HLA-DQA2: variants seen among roughly 807,000 people sequenced by gnomAD.
HLA-DQA2 encodes HLA class II histocompatibility antigen, DQ alpha 2 chain.
HLA-DQA2 carries 17 observed loss-of-function variants against 21.0 expected under a neutral mutation model. The observed-to-expected ratio is 0.81, with a 90% confidence interval of 0.56 to 1.22. The LOEUF is 1.22. HLA-DQA2 is among the 50% of genes most tolerant of loss of function. The pLI, the probability that HLA-DQA2 is intolerant of heterozygous loss-of-function variation, is 0.00. For synonymous variants in HLA-DQA2, 81 were observed against 116.5 expected (o/e 0.70, Z 1.96); for missense variants, 239 against 308.8 (o/e 0.77, Z 1.69).
intron 1 of HLA-DQA2, among the ~76,000 whole-genome samples, chr6:32,743,791 A>G (rs932488253): frequency 6.6e-6 from 1 of 152,204 alleles, no homozygotes; most frequent in African/African-American, 2.4e-5. Flanking sequence ...GGTGAGCTGG[A>G]GGAGGAAAAG....
chr6:32,746,678 G>A lies in HLA-DQA2; in HGVS notation c.*117G>A, dbSNP rs1469115909. 7.5e-6 allele frequency: 5 copies of A among 665,456 alleles called. No individual in the cohort carries two copies. The highest frequency in any genetic ancestry group is 1.4e-5 in the Non-Finnish European group (5 of 362,700). 41.2% of individuals were successfully genotyped at this position (665,456 alleles called of 1,614,324 possible). A position where few individuals can be genotyped will look rare whatever the true frequency, so the allele number is the denominator to read the frequency against. Reference sequence around the variant, plus strand: ...ATCATATCCCTTTTCTCCTCCAAATGTTTCTTCTCTCACCTCTTCTCTGGG... The same window carrying A: ...ATCATATCCCTTTTCTCCTCCAAATATTTCTTCTCTCACCTCTTCTCTGGG... On this transcript the variant is annotated 3_prime_UTR_variant, in exon 5 of 5. Transcript: ENST00000374940.
intron 1 of HLA-DQA2, among the ~76,000 whole-genome samples, chr6:32,742,894 C>T (rs1763310956): frequency 1.4e-5 from 2 of 146,506 alleles, no homozygotes; most frequent in South Asian, 2.2e-4. Flanking sequence ...TTGACGGAGT[C>T]TCGCTCTGTC....
At position 32,741,519 on chromosome 6, in the gene HLA-DQA2, A is replaced by T. The variant is rs1562179902; in HGVS notation, c.76A>T (p.Ile26Phe). ...AVMSPCGGED[I>F]VADHVASYGV... ...GATGAGCCCCTGTGGAGGTGAAGACATTGTGGGTGAGTACATGAGTGAGGA... is the reference window on the plus strand; with the variant it reads ...GATGAGCCCCTGTGGAGGTGAAGACTTTGTGGGTGAGTACATGAGTGAGGA... Residue 26 changes from isoleucine to phenylalanine, a missense_variant, in exon 1 of 5, where the codon ATT becomes TTT. Physicochemically the swap from Ile to Phe is conservative, Grantham distance 21. Transcript: ENST00000374940. 1 of 1,613,958 alleles carries T rather than the reference A, an allele frequency of 6.2e-7. No individual in the cohort carries two copies. The highest frequency in any genetic ancestry group is 8.5e-7 in the Non-Finnish European group (1 of 1,179,866).
At chr6:32,745,739 G>C (rs35121587) in intron 2 of HLA-DQA2, 52 bp from the exon 3 acceptor site, 9 of 1,610,582 alleles carry the variant, frequency 5.6e-6, no homozygotes, top group East Asian at 2.2e-5. Flanking sequence ...TAATGCAGAA[G>C]CTCATGGCAG....
chr6:32,745,490 A>G (rs2239800), intron 2 of HLA-DQA2, 83 bp downstream of exon 2: 155,119 of 1,435,500 alleles, frequency 0.11, 11,845 homozygotes, highest in East Asian at 0.32. Context: ...AGAGATTTCC[A>G]GATCTTCTCA....
Position 32,745,324 on chromosome 6 carries a change from A to G in HLA-DQA2, c.248A>G (p.Gln83Arg). 1 of 1,585,546 alleles carries G rather than the reference A, an allele frequency of 6.3e-7. No homozygotes were observed. Among genetic ancestry groups the G allele is most frequent in the Non-Finnish European group, 8.6e-7 (1 of 1,165,058 alleles). ...MFSKFISFDP[Q>R]SALRNMAVGK... is the part of the protein sequence containing the mutation. ...AGCAAATTTATAAGTTTTGACCCGC[A>G]GAGTGCACTGAGAAATATGGCTGTG... The change falls in exon 2 of 5, where the codon CAG becomes CGG. Residue 83 changes from glutamine to arginine, a missense_variant. Coordinates refer to ENST00000374940, the MANE Select transcript of HLA-DQA2 (RefSeq NM_020056.5).
rs149033708 is a variant in HLA-DQA2, at chr6:32,746,314, A to T, written c.688A>T (p.Met230Leu). The T allele has an allele frequency of 6.4e-7, 1 of 1,571,596 alleles. No individual in the cohort carries two copies. Among genetic ancestry groups the T allele is most frequent in the Non-Finnish European group, 8.7e-7 (1 of 1,154,084 alleles). ...CGCCCTGGGGTTGTCTGTGGGCCTC[A>T]TGGGCATTGTGGTGGGCACTGTCTT... The part of the protein sequence containing the change: ...VCALGLSVGL[M>L]GIVVGTVFII... The change falls in exon 4 of 5, where the codon ATG becomes TTG. Residue 230 changes from methionine (M) to leucine (L), a missense_variant. Physicochemically the swap from Met to Leu is conservative, Grantham distance 15 (BLOSUM62 2). Coordinates refer to ENST00000374940, the MANE Select transcript of HLA-DQA2 (RefSeq NM_020056.5).
In HLA-DQA2 at chr6:32,741,502, C is replaced by T; in HGVS notation, c.59C>T (p.Pro20Leu). Residue 20 changes from proline (P) to leucine (L), a missense_variant, in exon 1 of 5, where the codon CCC becomes CTC. Coordinates refer to ENST00000374940, the MANE Select transcript of HLA-DQA2 (RefSeq NM_020056.5). ...CTCGCCCTGACTGCCGTGATGAGCCCCTGTGGAGGTGAAGACATTGTGGGT... is the reference window on the plus strand; with the variant it reads ...CTCGCCCTGACTGCCGTGATGAGCCTCTGTGGAGGTGAAGACATTGTGGGT... ...GALALTAVMSPCGGEDIVADH... is the reference protein window; with the variant it reads ...GALALTAVMSLCGGEDIVADH... 3 of 1,614,046 alleles carry T rather than the reference C, an allele frequency of 1.9e-6. No homozygotes were observed. The highest frequency in any genetic ancestry group is 1.1e-5 in the South Asian group (1 of 91,018).
chr6:32,745,851 T>C lies in HLA-DQA2; in HGVS notation c.392T>C (p.Leu131Pro). 3 of 1,613,134 alleles carry C rather than the reference T, an allele frequency of 1.9e-6. No homozygotes were observed. The highest frequency in any genetic ancestry group is 2.5e-6 in the Non-Finnish European group (3 of 1,180,044). The part of the protein sequence containing the change: ...FPVTLGQPNT[L>P]ICLVDNIFPP... ...GTGACGCTGGGTCAGCCCAACACCC[T>C]CATCTGTCTTGTGGACAACATCTTT... is the stretch of plus-strand genomic sequence containing the variant. Residue 131 changes from leucine (L) to proline (P), a missense_variant, in exon 3 of 5, where the codon CTC (leucine) becomes CCC (proline). By Grantham distance (98) the Leu-to-Pro change is moderately conservative. Coordinates refer to ENST00000374940, the MANE Select transcript of HLA-DQA2 (RefSeq NM_020056.5).
At chr6:32,742,697 T>C (rs1362799331) in intron 1 of HLA-DQA2, among the ~76,000 whole-genome samples, 1 of 151,956 alleles carries the variant, frequency 6.6e-6, no homozygotes. Flanking sequence ...TTGTTTCAAA[T>C]TTCCTTTCTT....
rs117358580 is a variant in HLA-DQA2, at chr6:32,744,010, G to A, written c.83-1149G>A. ...TTGCAAAGACATGAAAGGAAATGTA[G>A]TTTGGTTTGATTGGCAGATAGTTGT... On this transcript the variant is annotated intron_variant, in intron 1 of 4. Coordinates refer to ENST00000374940, the MANE Select transcript of HLA-DQA2 (RefSeq NM_020056.5). Among the ~76,000 whole-genome samples, 2,045 of 151,410 alleles carry A rather than the reference G, an allele frequency of 0.014. 103 individuals are homozygous for A. In the East Asian group the frequency reaches 0.14, roughly 10 times the overall value.
chr6:32,744,919 A>C (rs1763456316), intron 1 of HLA-DQA2, among the ~76,000 whole-genome samples: 1 of 152,246 alleles, frequency 6.6e-6, no homozygotes, highest in Non-Finnish European at 1.5e-5. Flanking sequence ...CTCAGGAAAT[A>C]ACAGACGTGT....
chr6:32,743,838 G>A (rs1389790095), intron 1 of HLA-DQA2, among the ~76,000 whole-genome samples: 2 of 152,140 alleles, frequency 1.3e-5, no homozygotes, highest in Non-Finnish European at 2.9e-5. Context: ...ATTCCATTGA[G>A]GCGTTGGAGG....
Position 32,744,508 on chromosome 6 carries a change from C to T in HLA-DQA2, c.83-651C>T, listed in dbSNP as rs185088560. ...TTCATTTCAGAAGAAATCAGGTGCT[C>T]TCCTCTAAGGACCACTACTATTAAC... On this transcript the variant is annotated intron_variant, in intron 1 of 4. Coordinates refer to ENST00000374940, the MANE Select transcript of HLA-DQA2 (RefSeq NM_020056.5). Among the ~76,000 whole-genome samples the T allele has an allele frequency of 4.1e-3, 628 of 152,138 alleles. 2 individuals carry two copies. The highest frequency in any genetic ancestry group is 0.011 in the African/African-American group (442 of 41,502).
At chr6:32,745,442 AC>A in intron 2 of HLA-DQA2, 35 bp downstream of exon 2, 1 of 1,577,396 alleles carries the variant, frequency 6.3e-7, no homozygotes, top group Non-Finnish European at 8.6e-7. Flanking sequence ...CTTTACTGAA[AC>A]TAATCTTTCA....
chr6:32,743,423 T>C (rs1763351129), intron 1 of HLA-DQA2, among the ~76,000 whole-genome samples: 1 of 152,200 alleles, frequency 6.6e-6, no homozygotes, highest in South Asian at 2.1e-4. Context: ...GAGCACACAA[T>C]GAGCTAACTT....
At chr6:32,745,481 G>C (rs1210474757) in intron 2 of HLA-DQA2, 74 bp downstream of exon 2, 27 of 1,472,862 alleles carry the variant, frequency 1.8e-5, no homozygotes, top group Non-Finnish European at 2.4e-5. Flanking sequence ...TTCTTCTCAA[G>C]AGATTTCCAG....
rs145055982 is a variant in HLA-DQA2 at position 32,746,343 on chromosome 6, C to G, written c.717C>G (p.Ile239Met). 336 of 1,613,126 alleles carry G rather than the reference C, an allele frequency of 2.1e-4. No individual in the cohort carries two copies. The African/African-American group carries it at 4.2e-3, about 20-fold the overall frequency. Residue 239 changes from isoleucine (I) to methionine (M), a missense_variant, in exon 4 of 5, where the codon ATC becomes ATG. Coordinates refer to ENST00000374940, the MANE Select transcript of HLA-DQA2 (RefSeq NM_020056.5). ...LMGIVVGTVF[I>M]IQGLRSVGAS... ...GCATTGTGGTGGGCACTGTCTTCAT[C>G]ATCCAAGGCCTGCGTTCAGTTGGTG...
Position 32,746,664 on chromosome 6 carries a change from T to A in HLA-DQA2, c.*103T>A, listed in dbSNP as rs915907651. 5.9e-6 allele frequency: 4 copies of A among 683,206 alleles called. No individual in the cohort carries two copies. The highest frequency in any genetic ancestry group is 1.1e-5 in the Non-Finnish European group (4 of 373,608). The allele number at this position is 683,206 out of a possible 1,614,324, so 42.3% of individuals were successfully genotyped here. ...CTCTGGCCTGATTTATCATATCCCT[T>A]TTCTCCTCCAAATGTTTCTTCTCTC... On this transcript the variant is annotated 3_prime_UTR_variant, in exon 5 of 5. Coordinates refer to ENST00000374940, the MANE Select transcript of HLA-DQA2 (RefSeq NM_020056.5).
Sources: gnomAD v4.1 joint callset for allele counts (sites outside exome capture counted in the v4.1 genomes callset) on GRCh38, gnomAD v4.1.1 for gene constraint, MANE v1.5 for transcripts, NCBI Gene and HGNC (gene_info 2026-07-23, HGNC 2026-07-21) for gene names.